WWOX: variants seen among roughly 807,000 people sequenced by gnomAD.
The protein encoded by WWOX is WW domain-containing oxidoreductase.
Under a neutral mutation model 46.2 loss-of-function variants are expected in WWOX, and 69 were observed. That is an observed-to-expected ratio of 1.49 (90% CI 1.23 to 1.82). The LOEUF is 1.82. WWOX is among the 40% of genes most tolerant of loss of function. WWOX has a pLI of 0.00. For synonymous variants in WWOX, 359 were observed against 202.6 expected, an observed-to-expected ratio of 1.77 and a Z score of -6.56; for missense variants, 919 against 542.6, an observed-to-expected ratio of 1.69 and a Z score of -6.89.
chr16:78,925,982 G>A (rs1597159385), intron 8 of WWOX, among the ~76,000 whole-genome samples: 1 of 152,318 alleles, frequency 6.6e-6, no homozygotes, highest in South Asian at 2.1e-4. Context: ...GCAGGGAGAA[G>A]GGAAGGGATG....
At position 78,713,991 on chromosome 16, in the gene WWOX, A is replaced by G. The variant is rs143495739; in HGVS notation, c.1056+281239A>G. Among the ~76,000 whole-genome samples the G allele has an allele frequency of 7.9e-4, 120 of 152,222 alleles. 2 individuals are homozygous for G. The East Asian group carries it at 0.021, about 26-fold the overall frequency. On this transcript the variant is annotated intron_variant, in intron 8 of 8. Coordinates refer to ENST00000566780, the MANE Select transcript of WWOX (RefSeq NM_016373.4). ...GGCTACGAGGGCTTGTGTGTACTCT[A>G]GTTCTCTTTCCGTGACACTGCATTT...
intron 8 of WWOX, among the ~76,000 whole-genome samples, chr16:79,023,067 C>A (rs2047566660): frequency 6.6e-6 from 1 of 151,888 alleles, no homozygotes; most frequent in Non-Finnish European, 1.5e-5. Context: ...ATAATACCTA[C>A]AATAACCACA....
At chr16:78,791,979 AG>A (rs1392062415) in intron 8 of WWOX, among the ~76,000 whole-genome samples, 5 of 152,100 alleles carry the variant, frequency 3.3e-5, no homozygotes, top group Non-Finnish European at 5.9e-5. Flanking sequence ...TGTTTTTTTA[AG>A]GGAGGAAATT....
chr16:79,095,598 A>G (rs187047593), intron 8 of WWOX, among the ~76,000 whole-genome samples: 26 of 152,312 alleles, frequency 1.7e-4, no homozygotes, highest in African/African-American at 6.3e-4. Flanking sequence ...ACATTTAGTT[A>G]TCACTCATCT....
chr16:78,123,698 C>T (rs1035220527), intron 4 of WWOX: 1 of 151,604 alleles, frequency 6.6e-6, no homozygotes, highest in Non-Finnish European at 1.5e-5. Context: ...CCTCATGATC[C>T]ACCCGTTTCG....
At chr16:79,097,818 C>T (rs950742868) in intron 8 of WWOX, among the ~76,000 whole-genome samples, 63 of 152,096 alleles carry the variant, frequency 4.1e-4, no homozygotes, top group African/African-American at 1.4e-3. Flanking sequence ...AAGCCTTTTG[C>T]CCGTCGATCG....
intron 8 of WWOX, among the ~76,000 whole-genome samples, chr16:78,804,387 G>A (rs2050973502): frequency 1.3e-5 from 2 of 151,530 alleles, no homozygotes; most frequent in African/African-American, 4.9e-5. Context: ...AACAGCTCTT[G>A]GAGGTAGGAA....
intron 8 of WWOX, among the ~76,000 whole-genome samples, chr16:79,079,360 T>A (rs1276512825): frequency 1.3e-5 from 2 of 152,038 alleles, no homozygotes; most frequent in South Asian, 4.1e-4. Context: ...CAAAAAAAAA[T>A]ATGACAGAAG....
intron 8 of WWOX, among the ~76,000 whole-genome samples, chr16:78,661,214 G>C (rs540768425): frequency 6.6e-6 from 1 of 152,262 alleles, no homozygotes; most frequent in South Asian, 2.1e-4. Flanking sequence ...ATTCACACGT[G>C]AGAATGCCTG....
At chr16:78,622,110 G>C (rs1351505621) in intron 8 of WWOX, among the ~76,000 whole-genome samples, 1 of 152,158 alleles carries the variant, frequency 6.6e-6, no homozygotes, top group Non-Finnish European at 1.5e-5. Context: ...CTGGGCAGCA[G>C]ATAATTTTAG....
chr16:79,144,218 T>G (rs9925100), intron 8 of WWOX, among the ~76,000 whole-genome samples: 4 of 151,950 alleles, frequency 2.6e-5, no homozygotes, highest in African/African-American at 9.7e-5. Flanking sequence ...CTTTTTCACT[T>G]CAGCACACCA....
chr16:78,466,156 C>G (rs888268773), intron 8 of WWOX, among the ~76,000 whole-genome samples: 16 of 151,986 alleles, frequency 1.1e-4, no homozygotes, highest in African/African-American at 3.9e-4. Flanking sequence ...CTCAGCCTTC[C>G]TAGTAGCTGG....
At chr16:78,965,350 C>T (rs1379941641) in intron 8 of WWOX, among the ~76,000 whole-genome samples, 1 of 152,064 alleles carries the variant, frequency 6.6e-6, no homozygotes. Flanking sequence ...GGGTGGAGCA[C>T]CTGAGGTTAG....
rs150580205 is a variant in WWOX at position 78,506,170 on chromosome 16, C to T, written c.1056+73418C>T. 2.1e-3 allele frequency among the ~76,000 whole-genome samples: 322 copies of T among 152,274 alleles called. 1 individual carries two copies. Among genetic ancestry groups the T allele is most frequent in the African/African-American group, 7.5e-3 (310 of 41,518 alleles). Reference sequence around the variant, plus strand: ...GACTTCTGTGGACGTGAAAAGACTGCACCAGAAATCGGAGGCAGCCCTCCA... The same window carrying T: ...GACTTCTGTGGACGTGAAAAGACTGTACCAGAAATCGGAGGCAGCCCTCCA... On this transcript the variant is annotated intron_variant, in intron 8 of 8. Transcript: ENST00000566780.
At position 78,593,778 on chromosome 16, in the gene WWOX, G is replaced by C. The variant is rs990742482; in HGVS notation, c.1056+161026G>C. On this transcript the variant is annotated intron_variant, in intron 8 of 8. Coordinates refer to ENST00000566780, the MANE Select transcript of WWOX (RefSeq NM_016373.4). Reference sequence around the variant, plus strand: ...AGAGACTGATACACAAAGAGAATCAGAAAGGAGTAGAGATGAAACAAAGAT... The same window carrying C: ...AGAGACTGATACACAAAGAGAATCACAAAGGAGTAGAGATGAAACAAAGAT... Among the ~76,000 whole-genome samples the C allele has an allele frequency of 8.4e-4, 128 of 151,508 alleles. 1 individual carries two copies. Among genetic ancestry groups the C allele is most frequent in the African/African-American group, 3.0e-3 (125 of 41,240 alleles).
At chr16:79,152,504 T>C (rs1319256759) in intron 8 of WWOX, among the ~76,000 whole-genome samples, 1 of 151,964 alleles carries the variant, frequency 6.6e-6, no homozygotes, top group Non-Finnish European at 1.5e-5. Flanking sequence ...ACCCTGTCTC[T>C]ACTAAAAAAT....
At chr16:79,191,018 A>G (rs116560394) in intron 8 of WWOX, among the ~76,000 whole-genome samples, 214 of 152,264 alleles carry the variant, frequency 1.4e-3, no homozygotes, top group African/African-American at 4.7e-3. Flanking sequence ...TGCTGGGAAG[A>G]TGAGCAAAGC....
At chr16:78,401,586 A>G (rs2082415043) in intron 6 of WWOX, among the ~76,000 whole-genome samples, 1 of 152,196 alleles carries the variant, frequency 6.6e-6, no homozygotes. Context: ...CTTTAGGGAA[A>G]GGGTGAGGAA....
chr16:78,959,427 T>C (rs1392583523), intron 8 of WWOX, among the ~76,000 whole-genome samples: 1 of 152,216 alleles, frequency 6.6e-6, no homozygotes, highest in Non-Finnish European at 1.5e-5. Context: ...TTTGAAAAGA[T>C]AACACTAACA....
Sources: gnomAD v4.1 joint callset for allele counts (sites outside exome capture counted in the v4.1 genomes callset) on GRCh38, gnomAD v4.1.1 for gene constraint, MANE v1.5 for transcripts, NCBI Gene and HGNC (gene_info 2026-07-23, HGNC 2026-07-21) for gene names.